THSD7A: variants seen among roughly 807,000 people sequenced by gnomAD.
THSD7A encodes thrombospondin type 1 domain containing 7A.
THSD7A carries 96 observed loss-of-function variants against 231.3 expected under a neutral mutation model. That is an observed-to-expected ratio of 0.41 (90% confidence interval 0.35 to 0.49). The LOEUF (loss-of-function observed/expected upper bound fraction) is 0.49, where lower values mean the gene tolerates loss of function less well. Ranked by LOEUF, THSD7A falls within the 20% of genes least tolerant of loss-of-function variation. The probability of loss-of-function intolerance (pLI) is 0.05; values close to 1 mark genes in which losing one functional copy is unlikely to be tolerated. For missense variants in THSD7A, 2,290 were observed against 2,070.2 expected (o/e 1.11, Z -2.06); for synonymous variants, 940 against 743.3 (o/e 1.26, Z -4.30).
At chr7:11,706,685 A>T (rs1345672770) in intron 1 of THSD7A, among the ~76,000 whole-genome samples, 4 of 131,870 alleles carry the variant, frequency 3.0e-5, no homozygotes, top group Non-Finnish European at 4.7e-5. Flanking sequence ...GCAAGAACAC[A>T]TTTGCTTCTT....
chr7:11,474,541 G>C lies in THSD7A; in HGVS notation c.2045C>G (p.Ala682Gly), dbSNP rs771118710. 6.2e-7 allele frequency: 1 copy of C among 1,604,206 alleles called. No homozygotes were observed. Among genetic ancestry groups the C allele is most frequent in the Non-Finnish European group, 8.5e-7 (1 of 1,172,932 alleles). The change falls in exon 8 of 28, where the codon GCT (alanine) becomes GGT (glycine). Residue 682 changes from alanine (A) to glycine (G), a missense_variant. Physicochemically the swap from Ala to Gly is moderately conservative, Grantham distance 60. Transcript: ENST00000423059. This position sits in a 1 kb window ranked among gnomAD's most constrained non-coding sequence, Gnocchi z 4.1. ...ATTACAGCTTCGTACTTCTTGCAAAGCACTGCTATTTGGACAGCGAATTCC... is the reference window on the plus strand; with the variant it reads ...ATTACAGCTTCGTACTTCTTGCAAACCACTGCTATTTGGACAGCGAATTCC... ...EGGIRCPNSSALQEVRSCNEH... is the reference protein window; with the variant it reads ...EGGIRCPNSSGLQEVRSCNEH...
chr7:11,643,915 T>C (rs1782185479), intron 1 of THSD7A, among the ~76,000 whole-genome samples: 1 of 152,024 alleles, frequency 6.6e-6, no homozygotes, highest in East Asian at 1.9e-4. Context: ...ATGTACCAGT[T>C]TGGCCTTCCA....
chr7:11,760,845 T>C (rs1233449973), intron 1 of THSD7A, among the ~76,000 whole-genome samples: 1 of 151,558 alleles, frequency 6.6e-6, no homozygotes, highest in African/African-American at 2.4e-5. Context: ...AAATTTGCTT[T>C]TAAGAACATT....
chr7:11,418,073 G>C (rs1431877486), intron 16 of THSD7A, among the ~76,000 whole-genome samples: 2 of 152,162 alleles, frequency 1.3e-5, no homozygotes, highest in African/African-American at 4.8e-5. Context: ...TATGTGATGA[G>C]AGACCAGGCA....
Position 11,790,595 on chromosome 7 carries a change from T to G in THSD7A, c.190+41162A>C, listed in dbSNP as rs992995203. 1.6e-4 allele frequency among the ~76,000 whole-genome samples: 25 copies of G among 152,050 alleles called. 1 individual carries two copies. In the East Asian group the frequency reaches 4.6e-3, roughly 28 times the overall value. On this transcript the variant is annotated intron_variant, in intron 1 of 27. Coordinates refer to ENST00000423059, the MANE Select transcript of THSD7A (RefSeq NM_015204.3). ...GATGAGATGTTTTTCTATTTAAAAATGTTTCTTAAATTTTTTGCTGAAGAA... is the reference window on the plus strand; with the variant it reads ...GATGAGATGTTTTTCTATTTAAAAAGGTTTCTTAAATTTTTTGCTGAAGAA...
chr7:11,624,150 A>G (rs1781404469), intron 2 of THSD7A, among the ~76,000 whole-genome samples: 1 of 152,052 alleles, frequency 6.6e-6, no homozygotes, highest in African/African-American at 2.4e-5. Context: ...ACTTGAGTTG[A>G]TCCTGTATTG....
rs151121495 is a variant in THSD7A at position 11,790,199 on chromosome 7, C to A, written c.190+41558G>T. 8.6e-4 allele frequency among the ~76,000 whole-genome samples: 130 copies of A among 151,928 alleles called. No homozygotes were observed. In the East Asian group the frequency reaches 0.021, roughly 25 times the overall value. On this transcript the variant is annotated intron_variant, in intron 1 of 27. Coordinates refer to ENST00000423059, the MANE Select transcript of THSD7A (RefSeq NM_015204.3). ...ATCAAATTAAGTAGCTCAGCTAATGCTATATTGTTCAGAAAATAAGGTAGA... is the reference window on the plus strand; with the variant it reads ...ATCAAATTAAGTAGCTCAGCTAATGATATATTGTTCAGAAAATAAGGTAGA...
intron 15 of THSD7A, among the ~76,000 whole-genome samples, chr7:11,425,412 C>T (rs1784285269): frequency 6.6e-6 from 1 of 151,906 alleles, no homozygotes; most frequent in South Asian, 2.1e-4. Flanking sequence ...TAAAACTAAT[C>T]CTCAATCATT....
intron 1 of THSD7A, among the ~76,000 whole-genome samples, chr7:11,700,310 C>T (rs528582043): frequency 1.3e-4 from 20 of 151,200 alleles, no homozygotes; most frequent in Admixed American, 9.3e-4. Context: ...AGTACAATAA[C>T]GTAGTTAAGG....
rs1050082336 is a variant in THSD7A, at chr7:11,571,022, T to G, written c.1453+19438A>C. ...CCCAGCACTTCTTGGCTGGACCTTC[T>G]TGGCTGTGATTTTCTTGCTCCTTTC... On this transcript the variant is annotated intron_variant, in intron 4 of 27. Transcript: ENST00000423059. Among the ~76,000 whole-genome samples the G allele has an allele frequency of 2.6e-5, 4 of 152,214 alleles. No homozygotes were observed. The South Asian group carries it at 8.3e-4, about 32-fold the overall frequency.
chr7:11,603,945 G>C (rs964099107), intron 2 of THSD7A, among the ~76,000 whole-genome samples: 5 of 151,292 alleles, frequency 3.3e-5, no homozygotes, highest in Admixed American at 6.6e-5. Context: ...GAGTTAGTGG[G>C]TGCAGTGCAC....
intron 6 of THSD7A, among the ~76,000 whole-genome samples, chr7:11,494,375 A>G (rs1329095908): frequency 6.6e-6 from 1 of 152,064 alleles, no homozygotes; most frequent in African/African-American, 2.4e-5. Context: ...TCAAAACAAA[A>G]CAAGGACCAC....
At chr7:11,495,917 CAAGTT>C (rs745572143) in intron 6 of THSD7A, among the ~76,000 whole-genome samples, 2 of 152,038 alleles carry the variant, frequency 1.3e-5, no homozygotes, top group African/African-American at 4.8e-5. Context: ...GATTTTTAGA[CAAGTT>C]AAGTTACTGG....
intron 22 of THSD7A, among the ~76,000 whole-genome samples, chr7:11,403,615 G>C (rs1468401926): frequency 6.6e-6 from 1 of 152,248 alleles, no homozygotes; most frequent in Admixed American, 6.5e-5. Context: ...TACATGGAAA[G>C]AAAACATACC....
At chr7:11,388,490 A>C (rs1782852677) in intron 23 of THSD7A, among the ~76,000 whole-genome samples, 1 of 152,204 alleles carries the variant, frequency 6.6e-6, no homozygotes, top group Admixed American at 6.5e-5. Context: ...AGGTGTTTAT[A>C]GTATTCTCAG....
At chr7:11,674,864 G>T (rs887739048) in intron 1 of THSD7A, among the ~76,000 whole-genome samples, 5 of 152,008 alleles carry the variant, frequency 3.3e-5, no homozygotes, top group Non-Finnish European at 7.4e-5. Flanking sequence ...GAATAACGAG[G>T]AAACTCAGTG....
chr7:11,473,392 T>A (rs570268553), intron 8 of THSD7A, among the ~76,000 whole-genome samples: 2 of 152,136 alleles, frequency 1.3e-5, no homozygotes, highest in Non-Finnish European at 2.9e-5. Flanking sequence ...CAAAAACTGT[T>A]GGCCAGAGTA....
At chr7:11,445,074 T>C (rs1297552229) in intron 13 of THSD7A, among the ~76,000 whole-genome samples, 3 of 151,944 alleles carry the variant, frequency 2.0e-5, no homozygotes, top group Non-Finnish European at 4.4e-5. Flanking sequence ...CATTGTTTTC[T>C]GAACCATATA....
At chr7:11,523,755 T>C (rs1337412437) in intron 6 of THSD7A, among the ~76,000 whole-genome samples, 1 of 152,154 alleles carries the variant, frequency 6.6e-6, no homozygotes, top group African/African-American at 2.4e-5. Flanking sequence ...CTGTTGTACG[T>C]AGTAATTACT....
Sources: allele counts gnomAD v4.1 joint callset (sites outside exome capture counted in the v4.1 genomes callset), GRCh38; gene constraint gnomAD v4.1.1; non-coding constraint Gnocchi (gnomAD v3.1); transcripts MANE v1.5; gene names NCBI Gene and HGNC (gene_info 2026-07-23, HGNC 2026-07-21).